The following NEK4 variants were observed in gnomAD, a reference collection of about 807,000 sequenced individuals.
NEK4 encodes the protein NIMA related kinase 4, also known as serine/threonine-protein kinase Nek4.
A neutral mutation model predicts 98.4 loss-of-function variants in NEK4; 86 were observed. The observed-to-expected ratio is 0.87, with a 90% CI of 0.73 to 1.05. The LOEUF (loss-of-function observed/expected upper bound fraction) is 1.05. NEK4 is among the 50% of genes least tolerant of loss of function. The probability of loss-of-function intolerance (pLI) is 0.00; values close to 1 mark genes in which losing one functional copy is unlikely to be tolerated. For synonymous variants in NEK4, 328 were observed against 342.2 expected (o/e 0.96, Z 0.46); for missense variants, 898 against 950.3 (o/e 0.94, Z 0.72).
At chr3:52,754,423 G>A (rs943639406) in intron 6 of NEK4, 5 of 543,208 alleles carry the variant, frequency 9.2e-6, no homozygotes, top group Non-Finnish European at 3.7e-6. Flanking sequence ...CTGCAATACT[G>A]TATGAGAAAG....
At chr3:52,764,010 C>G (rs1202875638) in intron 4 of NEK4, among the ~76,000 whole-genome samples, 1 of 152,196 alleles carries the variant, frequency 6.6e-6, no homozygotes, top group African/African-American at 2.4e-5. Flanking sequence ...TAGGGCCAGT[C>G]GCAGTGGCTT....
rs192073932 is a variant in NEK4 at position 52,757,026 on chromosome 3, T to C, written c.963+3769A>G. Among the ~76,000 whole-genome samples, 19 of 152,130 alleles carry C rather than the reference T, an allele frequency of 1.2e-4. 1 individual carries two copies. In the East Asian group the frequency reaches 3.5e-3, roughly 28 times the overall value. On this transcript the variant is annotated intron_variant, in intron 6 of 15. Transcript: ENST00000233027. The stretch of plus-strand genomic sequence containing the variant: ...TCAATATAACTAATCACTAAGGAAA[T>C]GCAAATCAAAACTACAATGAGATAC...
chr3:52,752,329 C>T lies in NEK4; in HGVS notation c.971G>A (p.Gly324Asp). ...GGGTTTCTCCTGGGACAAACATTTG[C>T]CTTCACCCTGAATGAAAAGATGTTT... ...EGSQTYIMGE[G>D]KCLSQEKPRA... The change falls in exon 7 of 16, where the codon GGC (glycine) becomes GAC (aspartate). Residue 324 changes from glycine to aspartate, a missense_variant. By Grantham distance (94) the Gly-to-Asp change is moderately conservative. Coordinates refer to ENST00000233027, the MANE Select transcript of NEK4 (RefSeq NM_003157.6). The T allele has an allele frequency of 6.2e-7, 1 of 1,609,776 alleles. No homozygotes were observed. Among genetic ancestry groups the T allele is most frequent in the Non-Finnish European group, 8.5e-7 (1 of 1,177,540 alleles).
intron 15 of NEK4, among the ~76,000 whole-genome samples, chr3:52,724,232 AACACACACACACACAC>A (rs10528307): frequency 6.9e-6 from 1 of 145,202 alleles, no homozygotes; most frequent in African/African-American, 2.6e-5. Flanking sequence ...TTTGTCTTAA[AACACACACACACACAC>A]ACACACACAC....
intron 6 of NEK4, among the ~76,000 whole-genome samples, chr3:52,758,661 A>G (rs2154106086): frequency 6.6e-6 from 1 of 152,222 alleles, no homozygotes; most frequent in South Asian, 2.1e-4. Context: ...AAACAAAAAA[A>G]AAAATTTTAA....
chr3:52,745,183 T>C (rs2097393979), intron 10 of NEK4, among the ~76,000 whole-genome samples: 1 of 151,838 alleles, frequency 6.6e-6, no homozygotes, highest in Admixed American at 6.6e-5. Flanking sequence ...CCTCCCAAAG[T>C]GCTGGGATTA....
Position 52,711,032 on chromosome 3 carries a change from C to G in NEK4, c.*745G>C, listed in dbSNP as rs1032273563. 6.6e-6 allele frequency: 1 copy of G among 152,568 alleles called. No individual in the cohort carries two copies. The highest frequency in any genetic ancestry group is 2.4e-5 in the African/African-American group (1 of 41,422). 9.5% of individuals were successfully genotyped at this position (152,568 alleles called of 1,614,324 possible). A position where few individuals can be genotyped will look rare whatever the true frequency, so the allele number is the denominator to read the frequency against. The stretch of plus-strand genomic sequence containing the variant: ...TATCCAAAAACTAAATGGACCTGGA[C>G]TTTGCTTACAAATTGCTTAAATGGA... On this transcript the variant is annotated 3_prime_UTR_variant, in exon 16 of 16. Coordinates refer to ENST00000233027, the MANE Select transcript of NEK4 (RefSeq NM_003157.6).
chr3:52,751,576 G>C (rs1330346278), intron 7 of NEK4, among the ~76,000 whole-genome samples: 1 of 151,144 alleles, frequency 6.6e-6, no homozygotes, highest in Non-Finnish European at 1.5e-5. Context: ...AGCCGAGATC[G>C]CGCCATTGCA....
chr3:52,729,724 G>A (rs976456952), intron 15 of NEK4, among the ~76,000 whole-genome samples: 11 of 129,606 alleles, frequency 8.5e-5, no homozygotes, highest in Admixed American at 1.5e-4. Context: ...AAAAAAAAAA[G>A]ATTGCTTCAC....
intron 4 of NEK4, among the ~76,000 whole-genome samples, chr3:52,764,048 GCC>G (rs1698456931): frequency 1.3e-5 from 2 of 152,322 alleles, no homozygotes; most frequent in South Asian, 4.1e-4. Context: ...ACTTTGGGAG[GCC>G]GAGGCAGGTG....
chr3:52,724,427 C>A (rs943231757), intron 15 of NEK4, among the ~76,000 whole-genome samples: 1 of 152,050 alleles, frequency 6.6e-6, no homozygotes, highest in Admixed American at 6.5e-5. Context: ...GAAAAAATAC[C>A]AAGAATACTG....
intron 5 of NEK4, among the ~76,000 whole-genome samples, chr3:52,761,269 A>G (rs1460696526): frequency 6.6e-6 from 1 of 152,030 alleles, no homozygotes; most frequent in Non-Finnish European, 1.5e-5. Flanking sequence ...GTCAATAGTA[A>G]TATTTTTCTT....
In NEK4 at chr3:52,765,949, A is replaced by G. The variant is rs750996234; in HGVS notation, c.604T>C (p.Leu202=). ...TCTTTTGCATTGAAAGCATGCTTCA[A>G]GGTGGCCATTTCATAGACACAGCAT... is the stretch of plus-strand genomic sequence containing the variant. ...LGCCVYEMAT[L]KHAFNAKDMN... is the part of the protein sequence containing the mutation. The change falls in exon 4 of 16, where the codon TTG becomes CTG. Residue 202 remains leucine, a synonymous_variant. Coordinates refer to ENST00000233027, the MANE Select transcript of NEK4 (RefSeq NM_003157.6). The G allele has an allele frequency of 1.9e-6, 3 of 1,613,292 alleles. No individual in the cohort carries two copies. Among genetic ancestry groups the G allele is most frequent in the Non-Finnish European group, 2.5e-6 (3 of 1,179,226 alleles).
intron 15 of NEK4, among the ~76,000 whole-genome samples, chr3:52,712,333 T>G (rs1034273468): frequency 6.6e-6 from 1 of 152,198 alleles, no homozygotes. Flanking sequence ...GTGGCTCGCT[T>G]CTTCAGTGCC....
chr3:52,727,193 C>T (rs535463872), intron 15 of NEK4, among the ~76,000 whole-genome samples: 1 of 152,114 alleles, frequency 6.6e-6, no homozygotes, highest in South Asian at 2.1e-4. Context: ...AGGCTGGTCT[C>T]GAATTCCTGA....
At chr3:52,714,512 C>A (rs2097353320) in intron 15 of NEK4, among the ~76,000 whole-genome samples, 1 of 152,188 alleles carries the variant, frequency 6.6e-6, no homozygotes, top group South Asian at 2.1e-4. Flanking sequence ...GACCCGCCCC[C>A]AGGCCCGGAC....
At chr3:52,752,748 A>C (rs888829366) in intron 6 of NEK4, among the ~76,000 whole-genome samples, 12 of 150,340 alleles carry the variant, frequency 8.0e-5, no homozygotes, top group Middle Eastern at 3.4e-3. Context: ...AAAAATACAA[A>C]AATTAGCCAG....
In NEK4 at chr3:52,737,697, C is replaced by G; in HGVS notation, c.2322G>C (p.Lys774Asn). The G allele has an allele frequency of 6.2e-7, 1 of 1,612,924 alleles. No individual in the cohort carries two copies. The highest frequency in any genetic ancestry group is 8.5e-7 in the Non-Finnish European group (1 of 1,179,390). Residue 774 changes from lysine to asparagine, a missense_variant, in exon 15 of 16, where the codon AAG becomes AAC. Lys to Asn is a moderately conservative substitution (Grantham distance 94). Transcript: ENST00000233027. ...TCAAGACTTCAACTAGTCTCCTGAT[C>G]TTTTCAGAACCTGGCATAATAGCTA... is the stretch of plus-strand genomic sequence containing the variant. ...LPSAIMPGSE[K>N]IRRLVEVLRT...
intron 13 of NEK4, 113 bp from the exon 14 acceptor site, chr3:52,739,747 G>A (rs980846145): frequency 2.3e-6 from 2 of 854,366 alleles, no homozygotes; most frequent in Admixed American, 4.2e-5. Flanking sequence ...GTCCAAGTAA[G>A]TTCCTACAGA....
Sources: gnomAD v4.1 joint callset for allele counts (sites outside exome capture counted in the v4.1 genomes callset) on GRCh38, gnomAD v4.1.1 for gene constraint, MANE v1.5 for transcripts, NCBI Gene and HGNC (gene_info 2026-07-23, HGNC 2026-07-21) for gene names.